Variants in WDPCP observed in about 807,000 individuals in gnomAD.
WDPCP encodes the protein WD repeat-containing and planar cell polarity effector protein fritz homolog.
A neutral mutation model predicts 93.1 loss-of-function variants in WDPCP; 71 were observed. The observed-to-expected ratio is 0.76, with a 90% CI of 0.63 to 0.93. WDPCP has a LOEUF of 0.93. Ranked by LOEUF, WDPCP falls within the 40% of genes least tolerant of loss-of-function variation. The probability of loss-of-function intolerance (pLI) is 0.00; values close to 1 mark genes in which losing one functional copy is unlikely to be tolerated. For missense variants in WDPCP, 844 were observed against 887.4 expected (o/e 0.95, Z 0.62); for synonymous variants, 315 against 315.0 (o/e 1.00, Z 0.00).
chr2:63,337,186 A>G (rs1406218476), intron 12 of WDPCP, among the ~76,000 whole-genome samples: 1 of 152,034 alleles, frequency 6.6e-6, no homozygotes, highest in African/African-American at 2.4e-5. Context: ...GCCACTGCGC[A>G]CGGCCCATGA....
At chr2:63,138,021 C>T (rs1005390805) in intron 17 of WDPCP, among the ~76,000 whole-genome samples, 4 of 145,580 alleles carry the variant, frequency 2.7e-5, no homozygotes, top group Non-Finnish European at 6.0e-5. Flanking sequence ...TTCTTTTTTT[C>T]TCCTTAGGAT....
At chr2:63,682,716 A>G (rs970553626) in intron 2 of WDPCP, among the ~76,000 whole-genome samples, 4 of 152,110 alleles carry the variant, frequency 2.6e-5, no homozygotes. Flanking sequence ...AGATTTAAGA[A>G]CCTCAAGGCA....
intron 12 of WDPCP, among the ~76,000 whole-genome samples, chr2:63,336,334 A>G (rs1314437617): frequency 6.6e-6 from 1 of 152,130 alleles, no homozygotes; most frequent in Non-Finnish European, 1.5e-5. Flanking sequence ...TCTTTTTCCA[A>G]TTTAGGTGCT....
chr2:63,811,138 A>G (rs1670855684), intron 2 of WDPCP, among the ~76,000 whole-genome samples: 1 of 152,232 alleles, frequency 6.6e-6, no homozygotes. Context: ...AGCGGAACCC[A>G]AGGACAGAGA....
intron 2 of WDPCP, among the ~76,000 whole-genome samples, chr2:63,734,902 C>T (rs1435541256): frequency 3.5e-5 from 5 of 144,474 alleles, no homozygotes; most frequent in African/African-American, 1.4e-4. Context: ...GACAGACAGA[C>T]AGACAGATAG....
chr2:63,622,784 G>A, intron 3 of WDPCP: 1 of 1,602,962 alleles, frequency 6.2e-7, no homozygotes, highest in Non-Finnish European at 8.5e-7. Context: ...CGAACACTTG[G>A]TCCCAGGAAC....
Position 63,768,339 on chromosome 2 carries a change from CT to C in WDPCP, n.308+45282del, listed in dbSNP as rs575874605. 7.6e-3 allele frequency among the ~76,000 whole-genome samples: 1,046 copies of C among 137,212 alleles called. 5 individuals are homozygous for C. The highest frequency in any genetic ancestry group is 0.018 in the Admixed American group (251 of 13,802). 90.0% of individuals were successfully genotyped at this position (137,212 alleles called of 152,430 possible). A position where few individuals can be genotyped will look rare whatever the true frequency, so the allele number is the denominator to read the frequency against. ...CAGTATAAGTGTGCCATTTTTGTTC[CT>C]TTTTTTTTTTTTTCCAAATTGTTTT... On this transcript the variant is annotated intron_variant and non_coding_transcript_variant, in intron 2 of 4. Coordinates refer to the WDPCP transcript ENST00000467687.
At chr2:63,323,880 T>C (rs568055834) in intron 12 of WDPCP, among the ~76,000 whole-genome samples, 7 of 152,138 alleles carry the variant, frequency 4.6e-5, no homozygotes, top group Admixed American at 1.3e-4. Flanking sequence ...ACTATTCCGA[T>C]CAGCAGGGTC....
chr2:63,794,560 T>C (rs1670589429), intron 2 of WDPCP, among the ~76,000 whole-genome samples: 1 of 152,234 alleles, frequency 6.6e-6, no homozygotes, highest in African/African-American at 2.4e-5. Flanking sequence ...TTTGTTACTA[T>C]CATCCTATGA....
intron 2 of WDPCP, among the ~76,000 whole-genome samples, chr2:63,806,880 G>A (rs993653920): frequency 4.6e-5 from 7 of 152,156 alleles, no homozygotes; most frequent in Admixed American, 4.6e-4. Flanking sequence ...TTTTCAAGGT[G>A]CCCACATTTC....
At chr2:63,504,656 C>A (rs1375043345) in intron 1 of WDPCP, among the ~76,000 whole-genome samples, 8 of 151,900 alleles carry the variant, frequency 5.3e-5, no homozygotes, top group African/African-American at 1.9e-4. Context: ...AGCCTTTTGA[C>A]CCCTGAGACA....
At chr2:63,465,519 G>A (rs895021109) in intron 6 of WDPCP, among the ~76,000 whole-genome samples, 5 of 152,006 alleles carry the variant, frequency 3.3e-5, no homozygotes, top group African/African-American at 9.7e-5. Context: ...TTTTTACAGT[G>A]CCCCTAGGCC....
chr2:63,647,534 T>C (rs1270557343), intron 3 of WDPCP, among the ~76,000 whole-genome samples: 4 of 152,204 alleles, frequency 2.6e-5, no homozygotes, highest in African/African-American at 7.2e-5. Flanking sequence ...AAAGGTTATA[T>C]ACTGTATGAT....
chr2:63,238,938 G>A (rs1383859221), intron 14 of WDPCP, among the ~76,000 whole-genome samples: 1 of 151,982 alleles, frequency 6.6e-6, no homozygotes, highest in Non-Finnish European at 1.5e-5. Flanking sequence ...CAATTTCCAC[G>A]ACATAAATAT....
At chr2:63,637,420 G>GAA (rs11435282) in intron 3 of WDPCP, among the ~76,000 whole-genome samples, 6,003 of 99,102 alleles carry the variant, frequency 0.061, 565 homozygotes, top group African/African-American at 0.2. Context: ...GGCTACAACA[G>GAA]AAAAAAAAAA....
At chr2:63,831,505 C>A (rs2104171644), upstream of WDPCP, among the ~76,000 whole-genome samples, 1 of 152,244 alleles carries the variant, frequency 6.6e-6, no homozygotes, top group South Asian at 2.1e-4. Context: ...CACACTGCCA[C>A]CACATCTTTT....
chr2:63,413,590 G>T (rs1209160836), intron 9 of WDPCP, among the ~76,000 whole-genome samples: 1 of 152,158 alleles, frequency 6.6e-6, no homozygotes, highest in Non-Finnish European at 1.5e-5. Context: ...GAGGTCAGGA[G>T]ATCGAGACCA....
chr2:63,819,393 A>C (rs1670986138), intron 1 of WDPCP, among the ~76,000 whole-genome samples: 2 of 151,532 alleles, frequency 1.3e-5, no homozygotes, highest in South Asian at 4.1e-4. Context: ...AATGGCTGTG[A>C]GTTCCTCAGC....
chr2:63,823,586 G>A (rs1226565569), intron 1 of WDPCP, among the ~76,000 whole-genome samples: 1 of 152,148 alleles, frequency 6.6e-6, no homozygotes, highest in Non-Finnish European at 1.5e-5. Flanking sequence ...AGAATCACTA[G>A]AGTAACATTT....
Sources: allele counts gnomAD v4.1 joint callset (sites outside exome capture counted in the v4.1 genomes callset), GRCh38; gene constraint gnomAD v4.1.1; transcripts MANE v1.5; gene names NCBI Gene and HGNC (gene_info 2026-07-23, HGNC 2026-07-21).